The following GABRG1 variants were observed in gnomAD, a reference collection of about 807,000 sequenced individuals.
The protein encoded by GABRG1 is gamma-aminobutyric acid type A receptor subunit gamma1, also known as gamma-aminobutyric acid receptor subunit gamma-1.
A neutral mutation model predicts 49.8 loss-of-function variants in GABRG1; 49 were observed. The ratio of observed to expected loss-of-function variants is 0.98; its 90% CI spans 0.78 to 1.25. The LOEUF is 1.25. GABRG1 is among the 50% of genes most tolerant of loss of function. GABRG1 has a pLI of 0.00. For synonymous variants in GABRG1, 232 were observed against 185.1 expected (o/e 1.25, Z -2.06); for missense variants, 552 against 552.3 (o/e 1.00, Z 0.01).
chr4:46,045,791 TC>T (rs1360309320), intron 8 of GABRG1, among the ~76,000 whole-genome samples: 2 of 152,010 alleles, frequency 1.3e-5, no homozygotes, highest in Non-Finnish European at 2.9e-5. Context: ...GGACTCAATC[TC>T]CTGACCCCGT....
intron 1 of GABRG1, among the ~76,000 whole-genome samples, chr4:46,108,478 A>T (rs1005795650): frequency 6.6e-6 from 1 of 151,146 alleles, no homozygotes; most frequent in East Asian, 2.0e-4. Context: ...GAATCTTAAA[A>T]TTTGTTCAAA....
At position 46,065,486 on chromosome 4, in the gene GABRG1, A is replaced by T; in HGVS notation, c.420T>A (p.Val140=). Reference sequence around the variant, plus strand: ...AAGTGTCAGGAATCCAAATTTTTCCAACCATATTACTGTTAAGCATAAGCA... The same window carrying T: ...AAGTGTCAGGAATCCAAATTTTTCCTACCATATTACTGTTAAGCATAAGCA... The part of the protein sequence containing the change: ...MKVLMLNSNM[V]GKIWIPDTFF... The change falls in exon 4 of 9, where the codon GTT becomes GTA. Residue 140 remains valine (V), a synonymous_variant. Transcript: ENST00000295452. The T allele has an allele frequency of 6.2e-7, 1 of 1,611,512 alleles. No homozygotes were observed.
chr4:46,080,329 C>T (rs1478034106), intron 3 of GABRG1, among the ~76,000 whole-genome samples: 2 of 151,804 alleles, frequency 1.3e-5, no homozygotes, highest in African/African-American at 4.8e-5. Flanking sequence ...AGCAATTTTG[C>T]TCATTTTATG....
At chr4:46,079,183 A>C (rs1288012996) in intron 3 of GABRG1, among the ~76,000 whole-genome samples, 2 of 151,762 alleles carry the variant, frequency 1.3e-5, no homozygotes, top group African/African-American at 2.4e-5. Flanking sequence ...GAATGAAAGC[A>C]TTCTGTCATT....
At chr4:46,106,082 G>C (rs1362481635) in intron 1 of GABRG1, among the ~76,000 whole-genome samples, 1 of 151,402 alleles carries the variant, frequency 6.6e-6, no homozygotes. Flanking sequence ...CAACAGGCAG[G>C]CTGCTTAAGC....
intron 5 of GABRG1, among the ~76,000 whole-genome samples, chr4:46,062,360 G>C (rs1033103946): frequency 2.0e-5 from 3 of 151,964 alleles, no homozygotes; most frequent in Non-Finnish European, 4.4e-5. Flanking sequence ...CTTTATAGCA[G>C]CATGATCTAT....
At chr4:46,063,074 G>C (rs143456996) in intron 5 of GABRG1, among the ~76,000 whole-genome samples, 2 of 148,070 alleles carry the variant, frequency 1.4e-5, no homozygotes, top group Non-Finnish European at 3.0e-5. Flanking sequence ...AATCAATATC[G>C]TGAAAATGGC....
At chr4:46,076,587 CA>C (rs1229653237) in intron 3 of GABRG1, among the ~76,000 whole-genome samples, 1 of 151,182 alleles carries the variant, frequency 6.6e-6, no homozygotes, top group Non-Finnish European at 1.5e-5. Context: ...CCAGTTAAAG[CA>C]AGGCCAAAAA....
chr4:46,103,808 C>T (rs1720455599), intron 1 of GABRG1, among the ~76,000 whole-genome samples: 1 of 151,182 alleles, frequency 6.6e-6, no homozygotes, highest in African/African-American at 2.4e-5. Flanking sequence ...CCTATTAGTG[C>T]TCATTTAGGT....
chr4:46,045,555 AG>A (rs1356965839), intron 8 of GABRG1, among the ~76,000 whole-genome samples: 4 of 151,926 alleles, frequency 2.6e-5, no homozygotes, highest in Non-Finnish European at 5.9e-5. Flanking sequence ...CGACTCCTTA[AG>A]ATTTTTTTTT....
Position 46,048,437 on chromosome 4 carries a change from G to GA in GABRG1, c.1131+2986dup, listed in dbSNP as rs572949573. On this transcript the variant is annotated intron_variant, in intron 8 of 8. Coordinates refer to ENST00000295452, the MANE Select transcript of GABRG1 (RefSeq NM_173536.4). Reference sequence around the variant, plus strand: ...AAGGAAGGAAGGTTCTTCCAAGGTAGAAAAAAGAGCTGTTGGTGGTGGTAT... The same window carrying GA: ...AAGGAAGGAAGGTTCTTCCAAGGTAGAAAAAAAGAGCTGTTGGTGGTGGTAT... Among the ~76,000 whole-genome samples the GA allele has an allele frequency of 1.1e-4, 15 of 142,224 alleles. No homozygotes were observed. In the South Asian group the frequency reaches 3.3e-3, roughly 31 times the overall value. The allele number at this position is 142,224 out of a possible 152,430, so 93.3% of individuals were successfully genotyped here.
chr4:46,065,734 T>C lies in GABRG1; in HGVS notation c.322-150A>G, dbSNP rs1577643320. The C allele has an allele frequency of 1.2e-5, 7 of 583,018 alleles. No homozygotes were observed. In the East Asian group the frequency reaches 1.7e-4, roughly 14 times the overall value. 36.1% of individuals were successfully genotyped at this position (583,018 alleles called of 1,614,324 possible). A position where few individuals can be genotyped will look rare whatever the true frequency, so the allele number is the denominator to read the frequency against. ...AAAAAAATGCCATTATTTTAAACTTTTTTTTTGAGACAGAGTCTCGCTCTG... is the reference window on the plus strand; with the variant it reads ...AAAAAAATGCCATTATTTTAAACTTCTTTTTTGAGACAGAGTCTCGCTCTG... On this transcript the variant is annotated intron_variant, in intron 3 of 8. Coordinates refer to ENST00000295452, the MANE Select transcript of GABRG1 (RefSeq NM_173536.4).
At chr4:46,092,428 A>C (rs1171362913) in intron 2 of GABRG1, among the ~76,000 whole-genome samples, 1 of 152,038 alleles carries the variant, frequency 6.6e-6, no homozygotes, top group Non-Finnish European at 1.5e-5. Context: ...TTACTGACTA[A>C]AATTTATAAA....
At chr4:46,106,741 CA>C (rs1720560463) in intron 1 of GABRG1, among the ~76,000 whole-genome samples, 1 of 150,864 alleles carries the variant, frequency 6.6e-6, no homozygotes, top group Non-Finnish European at 1.5e-5. Flanking sequence ...AGTTCATTTT[CA>C]GTCATTTTTT....
At chr4:46,089,817 G>A (rs1231901165) in intron 2 of GABRG1, among the ~76,000 whole-genome samples, 1 of 151,868 alleles carries the variant, frequency 6.6e-6, no homozygotes, top group East Asian at 2.0e-4. Context: ...ACAGCAATTA[G>A]CTGTGCGGGG....
intron 8 of GABRG1, among the ~76,000 whole-genome samples, chr4:46,049,992 A>C (rs974158428): frequency 4.6e-5 from 7 of 152,094 alleles, no homozygotes; most frequent in African/African-American, 1.4e-4. Context: ...CAAAATTTCC[A>C]GAAATAAAAC....
At chr4:46,053,202 A>G (rs968926360) in intron 7 of GABRG1, among the ~76,000 whole-genome samples, 1 of 151,576 alleles carries the variant, frequency 6.6e-6, no homozygotes, top group African/African-American at 2.4e-5. Context: ...TTTATTTTTA[A>G]TTTACTTCCT....
intron 7 of GABRG1, among the ~76,000 whole-genome samples, chr4:46,053,779 T>A (rs927098080): frequency 6.6e-5 from 10 of 152,032 alleles, no homozygotes; most frequent in African/African-American, 2.2e-4. Flanking sequence ...TAAGCAGAAC[T>A]TTGCTTTCAG....
chr4:46,096,768 T>A (rs947322619), intron 2 of GABRG1, among the ~76,000 whole-genome samples: 20 of 151,690 alleles, frequency 1.3e-4, no homozygotes, highest in Non-Finnish European at 2.7e-4. Flanking sequence ...TTTCCAGATA[T>A]CAGGAACAAT....
Sources: gnomAD v4.1 joint callset for allele counts (sites outside exome capture counted in the v4.1 genomes callset) on GRCh38, gnomAD v4.1.1 for gene constraint, MANE v1.5 for transcripts, NCBI Gene and HGNC (gene_info 2026-07-23, HGNC 2026-07-21) for gene names.